Variants in CPLANE1 observed in about 807,000 individuals in gnomAD.
CPLANE1 encodes the protein ciliogenesis and planar polarity effector 1.
A neutral mutation model predicts 362.5 loss-of-function variants in CPLANE1; 263 were observed. That is an observed-to-expected ratio of 0.73 (90% CI 0.66 to 0.80). CPLANE1 has a LOEUF of 0.80. Ranked by LOEUF, CPLANE1 falls within the 30% of genes least tolerant of loss-of-function variation. The pLI, the probability that CPLANE1 is intolerant of heterozygous loss-of-function variation, is 0.00. For missense variants in CPLANE1, 3,461 were observed against 3,793.4 expected, an observed-to-expected ratio of 0.91 and a Z score of 2.30; for synonymous variants, 1,212 against 1,302.6, an observed-to-expected ratio of 0.93 and a Z score of 1.50.
chr5:37,139,325 T>C lies in CPLANE1; in HGVS notation c.8663+15A>G. On this transcript the variant is annotated intron_variant, in intron 45 of 52. Coordinates refer to ENST00000651892, the MANE Select transcript of CPLANE1 (RefSeq NM_001384732.1). Reference sequence around the variant, plus strand: ...ACTTTAAAGAAAATTGTGAATTAACTCTTAAGATATTTACCTCTCACACAA... The same window carrying C: ...ACTTTAAAGAAAATTGTGAATTAACCCTTAAGATATTTACCTCTCACACAA... The C allele has an allele frequency of 7.4e-7, 1 of 1,348,490 alleles. No homozygotes were observed. The highest frequency in any genetic ancestry group is 2.5e-5 in the Admixed American group (1 of 39,466). The allele number at this position is 1,348,490 out of a possible 1,614,324, so 83.5% of individuals were successfully genotyped here.
chr5:37,113,853 G>A (rs922554893), intron 51 of CPLANE1, among the ~76,000 whole-genome samples: 1 of 151,866 alleles, frequency 6.6e-6, no homozygotes, highest in Non-Finnish European at 1.5e-5. Flanking sequence ...TCACTCTGTC[G>A]CCAGGCTGGA....
In CPLANE1 at chr5:37,168,940, GTAACGGAA is replaced by G; in HGVS notation, c.7076_7083del (p.Leu2359ProfsTer6). The G allele has an allele frequency of 2.5e-6, 4 of 1,614,208 alleles. No individual in the cohort carries two copies. Among genetic ancestry groups the G allele is most frequent in the Non-Finnish European group, 3.4e-6 (4 of 1,180,026 alleles). On this transcript the variant is annotated frameshift_variant, in exon 34 of 53. Transcript: ENST00000651892. LOFTEE classifies it high-confidence loss of function. ...TTAGGAGGTTTAAGTGGCAGGTATA[GTAACGGAA>G]GTCCAAAGGAATGGTGAGGAGATAT...
At chr5:37,208,514 A>G (rs1209023270) in intron 16 of CPLANE1, among the ~76,000 whole-genome samples, 2 of 152,160 alleles carry the variant, frequency 1.3e-5, no homozygotes, top group Non-Finnish European at 1.5e-5. Context: ...CGTCTCCACT[A>G]AAAATACAAA....
chr5:37,120,337 C>A lies in CPLANE1; in HGVS notation c.9189G>T (p.Glu3063Asp). The change falls in exon 50 of 53, where the codon GAG becomes GAT. Residue 3063 changes from glutamate (E) to aspartate (D), a missense_variant. Glu to Asp is a conservative substitution (Grantham distance 45, BLOSUM62 2). Transcript: ENST00000651892. Reference sequence around the variant, plus strand: ...TTAGAAAACTGTGACCATGTTGATTCTCTCTATAGTAGAAATCACATAATT... The same window carrying A: ...TTAGAAAACTGTGACCATGTTGATTATCTCTATAGTAGAAATCACATAATT... Reference protein sequence around the residue: ...SCQHCPSPRGENQHGHSFLIN... With the variant: ...SCQHCPSPRGDNQHGHSFLIN... The A allele has an allele frequency of 6.3e-7, 1 of 1,579,522 alleles. No individual in the cohort carries two copies. The highest frequency in any genetic ancestry group is 1.2e-5 in the South Asian group (1 of 84,470).
intron 42 of CPLANE1, among the ~76,000 whole-genome samples, chr5:37,150,447 A>G (rs1773170461): frequency 1.3e-5 from 2 of 152,016 alleles, no homozygotes; most frequent in Admixed American, 1.3e-4. Flanking sequence ...GGAACTGCCT[A>G]CTTATCTCAC....
At chr5:37,234,736 C>T (rs1050765663) in intron 8 of CPLANE1, among the ~76,000 whole-genome samples, 5 of 151,948 alleles carry the variant, frequency 3.3e-5, no homozygotes, top group African/African-American at 9.7e-5. Flanking sequence ...ACTCCACCAG[C>T]GGCTATTATA....
At chr5:37,228,347 C>A (rs911867668) in intron 9 of CPLANE1, among the ~76,000 whole-genome samples, 1 of 152,140 alleles carries the variant, frequency 6.6e-6, no homozygotes, top group Admixed American at 6.5e-5. Context: ...CTTAATATCA[C>A]TCCTTATTAA....
At chr5:37,212,149 T>C (rs1304201332) in intron 16 of CPLANE1, 6 of 1,083,540 alleles carry the variant, frequency 5.5e-6, no homozygotes, top group Non-Finnish European at 8.6e-6. Flanking sequence ...TCACTGAAGA[T>C]TGAAATGGAA....
chr5:37,182,205 ACACT>A (rs1355537739), intron 26 of CPLANE1, among the ~76,000 whole-genome samples: 2 of 152,156 alleles, frequency 1.3e-5, no homozygotes, highest in Non-Finnish European at 2.9e-5. Context: ...ATACACACAC[ACACT>A]CACATCCTTC....
intron 49 of CPLANE1, among the ~76,000 whole-genome samples, chr5:37,121,354 CA>C (rs1762576566): frequency 6.6e-6 from 1 of 152,152 alleles, no homozygotes; most frequent in Non-Finnish European, 1.5e-5. Flanking sequence ...AACAGGACTG[CA>C]CAGATACCAA....
intron 46 of CPLANE1, among the ~76,000 whole-genome samples, chr5:37,133,566 T>A (rs569352591): frequency 6.6e-6 from 1 of 151,932 alleles, no homozygotes; most frequent in Non-Finnish European, 1.5e-5. Flanking sequence ...CTTGCTTTGG[T>A]TCTCAGCTTG....
At chr5:37,153,612 T>C (rs73750938) in intron 42 of CPLANE1, 128 bp downstream of exon 42, 13 of 940,334 alleles carry the variant, frequency 1.4e-5, no homozygotes, top group Admixed American at 5.5e-5. Flanking sequence ...AGTGCTGAGG[T>C]TGACAAACCC....
intron 42 of CPLANE1, among the ~76,000 whole-genome samples, chr5:37,152,643 C>T (rs564665843): frequency 7.9e-5 from 12 of 152,156 alleles, no homozygotes; most frequent in Non-Finnish European, 1.8e-4. Flanking sequence ...AATCCCAACA[C>T]TTTTGGAGGC....
At chr5:37,210,150 C>A in intron 16 of CPLANE1, 2 of 1,082,206 alleles carry the variant, frequency 1.8e-6, no homozygotes, top group South Asian at 1.3e-5. Flanking sequence ...CCTTGTTATT[C>A]GGGAAAAGAG....
chr5:37,198,421 T>C (rs146563743), intron 20 of CPLANE1, among the ~76,000 whole-genome samples: 2 of 150,894 alleles, frequency 1.3e-5, no homozygotes, highest in East Asian at 3.9e-4. Context: ...CAATCTTTAA[T>C]GACAGGGGAG....
At chr5:37,155,103 C>G (rs965092938) in intron 41 of CPLANE1, among the ~76,000 whole-genome samples, 1 of 152,190 alleles carries the variant, frequency 6.6e-6, no homozygotes, top group Non-Finnish European at 1.5e-5. Flanking sequence ...AAATGATATC[C>G]CTATCTGTAA....
At chr5:37,139,640 C>T (rs1202239808) in intron 44 of CPLANE1, 2 of 504,946 alleles carry the variant, frequency 4.0e-6, no homozygotes, top group Non-Finnish European at 5.3e-6. Context: ...CAACCTCTGC[C>T]TCCGGGCTCA....
Position 37,206,247 on chromosome 5 carries a change from T to C in CPLANE1, c.3099A>G (p.Ser1033=). 6.4e-7 allele frequency: 1 copy of C among 1,551,806 alleles called. No individual in the cohort carries two copies. Among genetic ancestry groups the C allele is most frequent in the South Asian group, 1.2e-5 (1 of 84,052 alleles). ...AGAACAGCTGGAAAGCCACACCAAT[T>C]GAAACAGACGTCTTCCAGTCTCCAA... ...YKLGDWKTSV[S]IGVAFQLFCK... The change falls in exon 17 of 53, where the codon TCA becomes TCG. Residue 1033 remains serine, a synonymous_variant. Coordinates refer to ENST00000651892, the MANE Select transcript of CPLANE1 (RefSeq NM_001384732.1).
chr5:37,176,055 C>A, intron 30 of CPLANE1, 69 bp from the exon 31 acceptor site: 1 of 984,096 alleles, frequency 1.0e-6, no homozygotes, highest in South Asian at 1.4e-5. Flanking sequence ...TATGAGTGAT[C>A]TATGCTCAGC....
Sources: gnomAD v4.1 joint callset for allele counts (sites outside exome capture counted in the v4.1 genomes callset) on GRCh38, gnomAD v4.1.1 for gene constraint, MANE v1.5 for transcripts, NCBI Gene and HGNC (gene_info 2026-07-23, HGNC 2026-07-21) for gene names.